SLC16A2: variants seen among roughly 807,000 people sequenced by gnomAD.
The protein encoded by SLC16A2 is solute carrier family 16 member 2.
Under a neutral mutation model 27.2 loss-of-function variants are expected in SLC16A2, and 3 were observed. The observed-to-expected ratio is 0.11, with a 90% confidence interval of 0.05 to 0.28. The LOEUF (loss-of-function observed/expected upper bound fraction) is 0.28. Among genes scored for constraint, SLC16A2 ranks in the 10% least tolerant of loss-of-function variants. The pLI, the probability that SLC16A2 is intolerant of heterozygous loss-of-function variation, is 1.00. For missense variants in SLC16A2, 295 were observed against 458.5 expected (o/e 0.64, Z 3.26); for synonymous variants, 202 against 187.8 (o/e 1.08, Z -0.62).
In SLC16A2 at chrX:74,524,639, A is replaced by G. The variant is rs776291109; in HGVS notation, c.856A>G (p.Ser286Gly). 1.2e-5 allele frequency: 14 copies of G among 1,209,706 alleles called. No homozygotes were observed. Among genetic ancestry groups the G allele is most frequent in the Non-Finnish European group, 1.5e-5 (13 of 895,230 alleles). The stretch of plus-strand genomic sequence containing the variant: ...ACTCACCTACCGGCCCCTCCTGCCC[A>G]GCTCCCAGGACACCCCAAGCAAGAG... ...LSLTYRPLLPSSQDTPSKRGV... is the reference protein window; with the variant it reads ...LSLTYRPLLPGSQDTPSKRGV... The change falls in exon 3 of 6, where the codon AGC (serine) becomes GGC (glycine). Residue 286 changes from serine (S) to glycine (G), a missense_variant. Coordinates refer to ENST00000587091, the MANE Select transcript of SLC16A2 (RefSeq NM_006517.5).
At chrX:74,474,476 G>C (rs1405311467) in intron 1 of SLC16A2, among the ~76,000 whole-genome samples, 2 of 91,845 alleles carry the variant, frequency 2.2e-5, no homozygotes, top group South Asian at 5.3e-4. Flanking sequence ...AGATTCCTTA[G>C]TGTTTTTTTT....
chrX:74,485,645 C>T (rs1199981061), intron 1 of SLC16A2, among the ~76,000 whole-genome samples: 1 of 111,080 alleles, frequency 9.0e-6, no homozygotes, highest in African/African-American at 3.3e-5. Context: ...AGGAATGGAA[C>T]CTTGGGCCAT....
At chrX:74,476,573 C>A (rs1929483418) in intron 1 of SLC16A2, among the ~76,000 whole-genome samples, 1 of 111,894 alleles carries the variant, frequency 8.9e-6, no homozygotes, top group Non-Finnish European at 1.9e-5. Context: ...AAAGGGAATG[C>A]TTCCAGTTTT....
At chrX:74,448,796 T>C (rs1430985805) in intron 1 of SLC16A2, among the ~76,000 whole-genome samples, 1 of 111,387 alleles carries the variant, frequency 9.0e-6, no homozygotes, top group Non-Finnish European at 1.9e-5. Context: ...TGGGGCTGAG[T>C]GTTGATCTCA....
At chrX:74,426,418 G>A (rs180863165) in intron 1 of SLC16A2, among the ~76,000 whole-genome samples, 1 of 112,219 alleles carries the variant, frequency 8.9e-6, no homozygotes, top group African/African-American at 3.2e-5. Flanking sequence ...CCAACCAGGA[G>A]GATGCTTGTT....
intron 1 of SLC16A2, chrX:74,473,709 C>A: frequency 9.6e-7 from 1 of 1,038,804 alleles, no homozygotes; most frequent in Non-Finnish European, 1.3e-6. Context: ...ACTCTTCCAT[C>A]CACCTTGTGT....
chrX:74,488,605 C>CT (rs1248439158), intron 1 of SLC16A2, among the ~76,000 whole-genome samples: 3 of 110,874 alleles, frequency 2.7e-5, no homozygotes, highest in South Asian at 3.7e-4. Context: ...TTATACAACC[C>CT]TTTTTTTTAA....
intron 1 of SLC16A2, among the ~76,000 whole-genome samples, chrX:74,439,750 G>A (rs376872751): frequency 1.1e-4 from 12 of 109,617 alleles, no homozygotes; most frequent in East Asian, 5.7e-4. Flanking sequence ...GAGGTCCTGG[G>A]GTCATTAGAG....
chrX:74,476,389 G>T (rs1929478453), intron 1 of SLC16A2, among the ~76,000 whole-genome samples: 1 of 111,786 alleles, frequency 8.9e-6, no homozygotes, highest in Admixed American at 9.5e-5. Flanking sequence ...TGAGACAATG[G>T]GATTTTCTAG....
intron 1 of SLC16A2, among the ~76,000 whole-genome samples, chrX:74,460,900 C>T (rs1280373103): frequency 4.5e-5 from 5 of 111,335 alleles, no homozygotes; most frequent in Admixed American, 1.9e-4. Flanking sequence ...ATCCACCTGC[C>T]TCGGCCTCCC....
intron 1 of SLC16A2, among the ~76,000 whole-genome samples, chrX:74,456,806 T>C (rs1267476000): frequency 1.8e-5 from 2 of 111,562 alleles, no homozygotes; most frequent in Admixed American, 1.9e-4. Flanking sequence ...GTCCCTTCTG[T>C]CCGGTAAATT....
chrX:74,440,539 T>G (rs146264296), intron 1 of SLC16A2, among the ~76,000 whole-genome samples: 8,761 of 104,374 alleles, frequency 0.084, 371 homozygotes, highest in South Asian at 0.24. Context: ...TTTTTTTTTT[T>G]TTTTGCTGCT....
chrX:74,524,255 G>C, intron 2 of SLC16A2, 104 bp from the exon 3 acceptor site: 1 of 849,553 alleles, frequency 1.2e-6, no homozygotes, highest in South Asian at 2.1e-5. Flanking sequence ...AAGTGGGGCT[G>C]TGGGTTAAGG....
chrX:74,472,031 A>G (rs1372259168), intron 1 of SLC16A2, among the ~76,000 whole-genome samples: 1 of 112,273 alleles, frequency 8.9e-6, no homozygotes, highest in African/African-American at 3.2e-5. Flanking sequence ...ACACACATAC[A>G]TACATACATG....
chrX:74,440,490 G>T (rs1379311574), intron 1 of SLC16A2, among the ~76,000 whole-genome samples: 5 of 106,489 alleles, frequency 4.7e-5, no homozygotes, highest in Non-Finnish European at 9.7e-5. Context: ...TCAGCCTTGG[G>T]ACTGGAGATT....
intron 1 of SLC16A2, among the ~76,000 whole-genome samples, chrX:74,490,279 G>C (rs1350558839): frequency 9.1e-6 from 1 of 110,262 alleles, no homozygotes; most frequent in African/African-American, 3.3e-5. Context: ...TTAGCAAGTA[G>C]AGGTGCCATA....
At chrX:74,445,824 A>C (rs1928829016) in intron 1 of SLC16A2, among the ~76,000 whole-genome samples, 1 of 109,196 alleles carries the variant, frequency 9.2e-6, no homozygotes, top group Non-Finnish European at 1.9e-5. Flanking sequence ...CAAGTGGTTC[A>C]TGCCTCTCAC....
chrX:74,515,644 CAT>C (rs1930306424), intron 1 of SLC16A2, among the ~76,000 whole-genome samples: 1 of 110,223 alleles, frequency 9.1e-6, no homozygotes, highest in African/African-American at 3.3e-5. Context: ...CATGCACGTG[CAT>C]GCACACACAC....
intron 1 of SLC16A2, among the ~76,000 whole-genome samples, chrX:74,441,536 A>C (rs749571899): frequency 6.2e-5 from 7 of 112,075 alleles, no homozygotes; most frequent in Non-Finnish European, 1.1e-4. Flanking sequence ...GAGCTGCCTA[A>C]GAGTAAGCTT....
Sources: gnomAD v4.1 joint callset for allele counts (sites outside exome capture counted in the v4.1 genomes callset) on GRCh38, gnomAD v4.1.1 for gene constraint, MANE v1.5 for transcripts, NCBI Gene and HGNC (gene_info 2026-07-23, HGNC 2026-07-21) for gene names.